DIP2C: variants seen among roughly 807,000 people sequenced by gnomAD.
DIP2C encodes the protein disco-interacting protein 2 homolog C.
Under a neutral mutation model 192.4 loss-of-function variants are expected in DIP2C, and 33 were observed. The observed-to-expected ratio is 0.17, with a 90% CI of 0.13 to 0.23. The LOEUF (loss-of-function observed/expected upper bound fraction) is 0.23. DIP2C is among the 10% of genes least tolerant of loss of function. DIP2C has a pLI of 1.00. For synonymous variants in DIP2C, 979 were observed against 864.1 expected, an observed-to-expected ratio of 1.13 and a Z score of -2.33; for missense variants, 1,537 against 2,110.1, an observed-to-expected ratio of 0.73 and a Z score of 5.32.
intron 1 of DIP2C, among the ~76,000 whole-genome samples, chr10:606,460 T>C (rs982206759): frequency 1.3e-5 from 2 of 151,988 alleles, no homozygotes; most frequent in African/African-American, 4.8e-5. Context: ...CTCGCCCCGC[T>C]GCGGTAATTA....
At chr10:538,457 C>T (rs553899731) in intron 1 of DIP2C, among the ~76,000 whole-genome samples, 1 of 152,296 alleles carries the variant, frequency 6.6e-6, no homozygotes, top group South Asian at 2.1e-4. Context: ...CCATTGTGCC[C>T]AGTCTCCTGA....
At chr10:627,302 G>C (rs1043527080) in intron 1 of DIP2C, among the ~76,000 whole-genome samples, 7 of 152,144 alleles carry the variant, frequency 4.6e-5, no homozygotes, top group African/African-American at 1.7e-4. Context: ...AAACCCTCCC[G>C]ACACCTCCCT....
At position 414,707 on chromosome 10, in the gene DIP2C, A is replaced by ATG. The variant is rs71199933; in HGVS notation, c.860-599_860-598dup. ...CCAGCTAATTTTAGAGTGTGTATGTATGTGTGTGTGTGTGTGTGTGTGTGT... is the reference window on the plus strand; with the variant it reads ...CCAGCTAATTTTAGAGTGTGTATGTATGTGTGTGTGTGTGTGTGTGTGTGTGT... On this transcript the variant is annotated intron_variant, in intron 7 of 36. Coordinates refer to ENST00000280886, the MANE Select transcript of DIP2C (RefSeq NM_014974.3). Among the ~76,000 whole-genome samples, 183 of 47,778 alleles carry ATG rather than the reference A, an allele frequency of 3.8e-3. 6 individuals are homozygous for ATG. The highest frequency in any genetic ancestry group is 8.8e-3 in the African/African-American group (96 of 10,968). 31.3% of individuals were successfully genotyped at this position (47,778 alleles called of 152,430 possible). A position where few individuals can be genotyped will look rare whatever the true frequency, so the allele number is the denominator to read the frequency against.
chr10:321,367 T>C (rs1373463193), intron 31 of DIP2C, among the ~76,000 whole-genome samples: 1 of 152,360 alleles, frequency 6.6e-6, no homozygotes, highest in East Asian at 1.9e-4. Context: ...CCTCTGACCG[T>C]GATGCCCTTG....
At chr10:399,343 C>T (rs530842703) in intron 9 of DIP2C, 124 bp from the exon 10 acceptor site, 9 of 671,744 alleles carry the variant, frequency 1.3e-5, no homozygotes, top group African/African-American at 1.3e-4. Context: ...ATGTAAAATG[C>T]ATTTCAGTAA....
intron 19 of DIP2C, chr10:365,073 C>T: frequency 2.0e-6 from 1 of 503,446 alleles, no homozygotes; most frequent in Non-Finnish European, 4.1e-6. Flanking sequence ...AACTCTAACC[C>T]TCTTTTTTCC....
intron 1 of DIP2C, among the ~76,000 whole-genome samples, chr10:633,472 G>C (rs942169113): frequency 1.3e-5 from 2 of 152,146 alleles, no homozygotes; most frequent in Non-Finnish European, 2.9e-5. Flanking sequence ...AGAGTGGATG[G>C]GGAGAGTTCG....
intron 3 of DIP2C, among the ~76,000 whole-genome samples, chr10:446,390 T>C (rs1371921383): frequency 6.6e-6 from 1 of 151,558 alleles, no homozygotes; most frequent in Admixed American, 6.6e-5. Context: ...ACCTCTGTTG[T>C]GAAGAGTCCC....
chr10:393,560 T>C (rs1963663806), intron 10 of DIP2C, among the ~76,000 whole-genome samples: 1 of 151,802 alleles, frequency 6.6e-6, no homozygotes, highest in Non-Finnish European at 1.5e-5. Flanking sequence ...GGCAGATCAG[T>C]GGAGGTCAGG....
intron 1 of DIP2C, among the ~76,000 whole-genome samples, chr10:558,847 A>G (rs751940473): frequency 1.4e-4 from 21 of 152,172 alleles, no homozygotes; most frequent in Non-Finnish European, 2.9e-4. Flanking sequence ...CTGCTCTCCC[A>G]CTGAAGAGCT....
intron 1 of DIP2C, among the ~76,000 whole-genome samples, chr10:542,015 T>C (rs1316209143): frequency 1.3e-5 from 2 of 152,106 alleles, no homozygotes; most frequent in Non-Finnish European, 2.9e-5. Flanking sequence ...CACACGTTGG[T>C]CTCCTGCACA....
At chr10:613,286 G>A (rs974174865) in intron 1 of DIP2C, among the ~76,000 whole-genome samples, 21 of 152,220 alleles carry the variant, frequency 1.4e-4, no homozygotes, top group East Asian at 7.7e-4. Flanking sequence ...ACAGGTCCTC[G>A]GCCTCCGCCT....
intron 1 of DIP2C, among the ~76,000 whole-genome samples, chr10:543,037 A>G (rs1167731597): frequency 6.6e-6 from 1 of 152,190 alleles, no homozygotes; most frequent in African/African-American, 2.4e-5. Context: ...CACCAATACC[A>G]AAAGTCAGAA....
intron 17 of DIP2C, among the ~76,000 whole-genome samples, chr10:371,330 G>C (rs1960928605): frequency 6.6e-6 from 1 of 152,142 alleles, no homozygotes; most frequent in South Asian, 2.1e-4. Flanking sequence ...AGCTTATTTG[G>C]ATGCAGGGGC....
At chr10:552,259 T>TA (rs1485283626) in intron 1 of DIP2C, among the ~76,000 whole-genome samples, 4 of 152,236 alleles carry the variant, frequency 2.6e-5, no homozygotes, top group Non-Finnish European at 5.9e-5. Context: ...ACATTTTCTA[T>TA]AATCTATCAT....
At chr10:291,412 T>A (rs978945989) in intron 32 of DIP2C, among the ~76,000 whole-genome samples, 2 of 152,124 alleles carry the variant, frequency 1.3e-5, no homozygotes, top group Non-Finnish European at 2.9e-5. Context: ...TGCTAGCAAA[T>A]GCCACACAGG....
intron 1 of DIP2C, among the ~76,000 whole-genome samples, chr10:567,148 C>T (rs531858186): frequency 5.3e-5 from 8 of 152,248 alleles, no homozygotes; most frequent in South Asian, 2.1e-4. Context: ...AATCCAACTC[C>T]GGCGGAAGGA....
At chr10:503,717 C>T (rs979538848) in intron 1 of DIP2C, among the ~76,000 whole-genome samples, 11 of 152,206 alleles carry the variant, frequency 7.2e-5, no homozygotes, top group South Asian at 2.1e-4. Context: ...ACCGAGTTAA[C>T]GTTTGCTGGC....
At chr10:626,620 CCA>C (rs1015276007) in intron 1 of DIP2C, among the ~76,000 whole-genome samples, 9 of 152,098 alleles carry the variant, frequency 5.9e-5, no homozygotes, top group African/African-American at 2.2e-4. Context: ...TCAGCTGCAC[CCA>C]GAGGCATTCC....
Sources: allele counts gnomAD v4.1 joint callset (sites outside exome capture counted in the v4.1 genomes callset), GRCh38; gene constraint gnomAD v4.1.1; transcripts MANE v1.5; gene names NCBI Gene and HGNC (gene_info 2026-07-23, HGNC 2026-07-21).